MTUS2: variants seen among roughly 807,000 people sequenced by gnomAD.
The protein encoded by MTUS2 is microtubule-associated tumor suppressor candidate 2.
In MTUS2, 40 loss-of-function variants were observed where a neutral mutation model predicts 114.1. That is an observed-to-expected ratio of 0.35 (90% CI 0.27 to 0.46). MTUS2 has a LOEUF of 0.46. Among genes scored for constraint, MTUS2 ranks in the 20% least tolerant of loss-of-function variants. The pLI is 1.00. For synonymous variants in MTUS2, 688 were observed against 672.0 expected (o/e 1.02, Z -0.37); for missense variants, 1,679 against 1,705.4 (o/e 0.98, Z 0.27).
At chr13:28,860,240 A>G (rs1319594627) in intron 2 of MTUS2, among the ~76,000 whole-genome samples, 2 of 152,164 alleles carry the variant, frequency 1.3e-5, no homozygotes, top group African/African-American at 4.8e-5. Flanking sequence ...TTCTGTGAAA[A>G]CATGCAAATG....
At chr13:28,959,392 G>T (rs890141455) in intron 2 of MTUS2, among the ~76,000 whole-genome samples, 1 of 152,174 alleles carries the variant, frequency 6.6e-6, no homozygotes, top group Admixed American at 6.5e-5. Context: ...TAGCAATGAG[G>T]TCGCATACCC....
At chr13:28,883,558 T>G (rs1034690457) in intron 2 of MTUS2, among the ~76,000 whole-genome samples, 2 of 152,190 alleles carry the variant, frequency 1.3e-5, no homozygotes, top group Non-Finnish European at 2.9e-5. Context: ...AAAGGTTAAA[T>G]ACTATATGAT....
chr13:28,900,989 T>G (rs1431173343), intron 2 of MTUS2, among the ~76,000 whole-genome samples: 2 of 152,214 alleles, frequency 1.3e-5, no homozygotes, highest in African/African-American at 4.8e-5. Flanking sequence ...CTGTACCAGT[T>G]TACATTCCCA....
chr13:28,889,644 AT>A (rs919471897), intron 2 of MTUS2, among the ~76,000 whole-genome samples: 23 of 151,572 alleles, frequency 1.5e-4, no homozygotes, highest in African/African-American at 4.8e-4. Flanking sequence ...AAGAAGAGGG[AT>A]TTTTTTTTCC....
intron 5 of MTUS2, among the ~76,000 whole-genome samples, chr13:29,156,203 G>T (rs900961618): frequency 3.3e-5 from 5 of 152,066 alleles, no homozygotes; most frequent in Admixed American, 2.0e-4. Context: ...TAAGATGTTT[G>T]TAAGAATTGA....
At chr13:29,093,153 A>T (rs757842342) in intron 4 of MTUS2, among the ~76,000 whole-genome samples, 1 of 152,200 alleles carries the variant, frequency 6.6e-6, no homozygotes, top group Non-Finnish European at 1.5e-5. Flanking sequence ...ACAAAAAACT[A>T]TGGAGTATTG....
At chr13:29,100,542 T>A (rs1890366905) in intron 4 of MTUS2, among the ~76,000 whole-genome samples, 1 of 152,152 alleles carries the variant, frequency 6.6e-6, no homozygotes, top group African/African-American at 2.4e-5. Context: ...GACGGTAAAT[T>A]TGTCCAGGCT....
At chr13:28,974,219 G>T (rs974600788) in intron 2 of MTUS2, among the ~76,000 whole-genome samples, 3 of 152,234 alleles carry the variant, frequency 2.0e-5, no homozygotes, top group Admixed American at 2.0e-4. Flanking sequence ...TTTGTTTTGT[G>T]GGAATTAGAA....
chr13:29,446,365 C>CTA (rs1166106652), intron 9 of MTUS2, among the ~76,000 whole-genome samples: 1 of 152,152 alleles, frequency 6.6e-6, no homozygotes, highest in Non-Finnish European at 1.5e-5. Flanking sequence ...AGGGATCAGT[C>CTA]TACAGATTTG....
chr13:29,056,931 T>G (rs921906673), intron 4 of MTUS2, among the ~76,000 whole-genome samples: 1 of 152,088 alleles, frequency 6.6e-6, no homozygotes, highest in Non-Finnish European at 1.5e-5. Flanking sequence ...TTTCCAACTT[T>G]TATGTGGGTC....
At chr13:29,186,099 A>G (rs964578084) in intron 5 of MTUS2, among the ~76,000 whole-genome samples, 1 of 152,180 alleles carries the variant, frequency 6.6e-6, no homozygotes, top group Non-Finnish European at 1.5e-5. Flanking sequence ...ATGTAGTCCT[A>G]GCTACTTAGG....
intron 4 of MTUS2, among the ~76,000 whole-genome samples, chr13:29,081,916 A>C (rs1404625188): frequency 6.6e-6 from 1 of 152,196 alleles, no homozygotes; most frequent in Non-Finnish European, 1.5e-5. Context: ...GATGGAATCA[A>C]CTTTTGGCCG....
intron 5 of MTUS2, among the ~76,000 whole-genome samples, chr13:29,145,438 C>T (rs1248692884): frequency 6.6e-6 from 1 of 152,032 alleles, no homozygotes; most frequent in Non-Finnish European, 1.5e-5. Context: ...GAGAATTGCT[C>T]AAACCCGGGA....
At chr13:29,141,551 G>A (rs34176519) in intron 5 of MTUS2, among the ~76,000 whole-genome samples, 62,569 of 151,958 alleles carry the variant, frequency 0.41, 14,300 homozygotes, top group Non-Finnish European at 0.48. Flanking sequence ...GCCCCATGAC[G>A]ACAAGCTTTG....
intron 5 of MTUS2, chr13:29,242,829 A>G (rs909616213): frequency 6.6e-6 from 1 of 151,506 alleles, no homozygotes; most frequent in Admixed American, 6.6e-5. Context: ...GTATTATCTC[A>G]TTAAATCCTC....
At chr13:29,136,972 A>G (rs372612928) in intron 5 of MTUS2, among the ~76,000 whole-genome samples, 1 of 152,184 alleles carries the variant, frequency 6.6e-6, no homozygotes, top group East Asian at 1.9e-4. Context: ...ATTGAAGGAT[A>G]CCCATTTAGT....
chr13:29,298,138 A>G (rs1290229505), intron 6 of MTUS2, among the ~76,000 whole-genome samples: 1 of 152,212 alleles, frequency 6.6e-6, no homozygotes, highest in Admixed American at 6.5e-5. Flanking sequence ...GCAGCTGCAA[A>G]TATTGATTTG....
chr13:29,257,640 A>G (rs1386810096), intron 5 of MTUS2, among the ~76,000 whole-genome samples: 1 of 152,166 alleles, frequency 6.6e-6, no homozygotes, highest in African/African-American at 2.4e-5. Context: ...AACTGGAAAT[A>G]ATTTATATCT....
chr13:29,130,860 G>A (rs367727675), intron 5 of MTUS2, among the ~76,000 whole-genome samples: 21 of 152,146 alleles, frequency 1.4e-4, no homozygotes, highest in East Asian at 3.9e-4. Flanking sequence ...TTTTGACCGC[G>A]TGATCCGCCT....
Sources: allele counts gnomAD v4.1 joint callset (sites outside exome capture counted in the v4.1 genomes callset), GRCh38; gene constraint gnomAD v4.1.1; transcripts MANE v1.5; gene names NCBI Gene and HGNC (gene_info 2026-07-23, HGNC 2026-07-21).